The following KLHL29 variants were observed in gnomAD, a reference collection of about 807,000 sequenced individuals.
KLHL29 encodes kelch-like protein 29.
KLHL29 carries 21 observed loss-of-function variants against 80.4 expected under a neutral mutation model. The ratio of observed to expected loss-of-function variants is 0.26; its 90% CI spans 0.19 to 0.38. KLHL29 has a LOEUF of 0.38. Ranked by LOEUF, KLHL29 falls within the 10% of genes least tolerant of loss-of-function variation. The probability of loss-of-function intolerance (pLI) is 1.00; values close to 1 mark genes in which losing one functional copy is unlikely to be tolerated. For synonymous variants in KLHL29, 511 were observed against 526.8 expected (o/e 0.97, Z 0.41); for missense variants, 867 against 1,223.9 (o/e 0.71, Z 4.35).
At chr2:23,442,092 G>T (rs766830099) in intron 1 of KLHL29, among the ~76,000 whole-genome samples, 3 of 152,130 alleles carry the variant, frequency 2.0e-5, no homozygotes, top group East Asian at 1.9e-4. Flanking sequence ...AATCACCAGG[G>T]TCCTTTATTT....
In KLHL29 at chr2:23,690,307, G is replaced by C. The variant is rs563858769; in HGVS notation, c.1080-1367G>C. 2.0e-5 allele frequency: 3 copies of C among 152,332 alleles called. No homozygotes were observed. The South Asian group carries it at 6.2e-4, about 32-fold the overall frequency. 9.4% of individuals were successfully genotyped at this position (152,332 alleles called of 1,614,324 possible). ...TCTAGTTCCATCCTCTTATTTTGCA[G>C]AAGAGGAGGCTGAGGGCCCGGGAGA... On this transcript the variant is annotated intron_variant, in intron 6 of 13. Transcript: ENST00000486442.
At chr2:23,643,030 G>C (rs1204036536) in intron 5 of KLHL29, 180 bp downstream of exon 5, 2 of 779,092 alleles carry the variant, frequency 2.6e-6, no homozygotes, top group Admixed American at 2.0e-5. Context: ...GGGGGAGGGA[G>C]GGGGAAGGTG....
intron 2 of KLHL29, among the ~76,000 whole-genome samples, chr2:23,505,372 C>T (rs1338988696): frequency 6.6e-6 from 1 of 152,220 alleles, no homozygotes; most frequent in African/African-American, 2.4e-5. Context: ...CCGGCTGGGG[C>T]CCTGATGGAC....
chr2:23,420,518 G>A (rs1477364950), intron 1 of KLHL29, among the ~76,000 whole-genome samples: 3 of 152,150 alleles, frequency 2.0e-5, no homozygotes, highest in Non-Finnish European at 2.9e-5. Context: ...CTCACAAAGC[G>A]ACTGCTGCCC....
chr2:23,655,763 C>A (rs1457866528), intron 5 of KLHL29, among the ~76,000 whole-genome samples: 1 of 152,156 alleles, frequency 6.6e-6, no homozygotes, highest in African/African-American at 2.4e-5. Flanking sequence ...GCAGGGTGGT[C>A]CCCGGGCTCC....
Position 23,497,267 on chromosome 2 carries a change from G to T in KLHL29, c.-46+21600G>T, listed in dbSNP as rs926880644. ...GACTCCTTTTTTGTTTTCCTCCTTG[G>T]CAATCTCTCTGTGGTTTTGTGGCTG... On this transcript the variant is annotated intron_variant, in intron 2 of 13. Transcript: ENST00000486442. 4.6e-5 allele frequency among the ~76,000 whole-genome samples: 7 copies of T among 152,108 alleles called. No homozygotes were observed. The East Asian group carries it at 1.2e-3, about 25-fold the overall frequency.
At chr2:23,413,098 G>A (rs918986238) in intron 1 of KLHL29, among the ~76,000 whole-genome samples, 7 of 152,176 alleles carry the variant, frequency 4.6e-5, no homozygotes, top group African/African-American at 1.7e-4. Context: ...GTGAGGCCCA[G>A]GATGCATGTA....
chr2:23,406,885 A>T (rs187944628), intron 1 of KLHL29, among the ~76,000 whole-genome samples: 18 of 152,364 alleles, frequency 1.2e-4, no homozygotes, highest in Admixed American at 8.5e-4. Flanking sequence ...TCTTTATGGA[A>T]AATTTTAACA....
Position 23,684,467 on chromosome 2 carries a change from G to C in KLHL29, c.1009G>C (p.Gly337Arg). 6.4e-7 allele frequency: 1 copy of C among 1,551,022 alleles called. No homozygotes were observed. Among genetic ancestry groups the C allele is most frequent in the Non-Finnish European group, 8.7e-7 (1 of 1,146,748 alleles). The change falls in exon 6 of 14, where the codon GGC becomes CGC. Residue 337 changes from glycine to arginine, a missense_variant. Around this residue, in one of 2 missense-constraint regions of KLHL29, gnomAD observed 443 missense variants for 767.0 expected, o/e 0.58. Transcript: ENST00000486442. The surrounding 1 kb of genome is among the most constrained non-coding windows in gnomAD (Gnocchi z 4.4). ...AFTDLKIVVEGREFEVHQNVL... is the reference protein window; with the variant it reads ...AFTDLKIVVERREFEVHQNVL... ...TACAGACCTGAAAATTGTTGTTGAA[G>C]GCAGAGAGTTTGAAGTCCACCAAAA...
intron 3 of KLHL29, among the ~76,000 whole-genome samples, chr2:23,627,460 G>A (rs576467805): frequency 7.2e-5 from 11 of 152,202 alleles, no homozygotes; most frequent in Non-Finnish European, 1.5e-4. Flanking sequence ...GGTCATTTCT[G>A]CCCAGCTCTG....
intron 1 of KLHL29, among the ~76,000 whole-genome samples, chr2:23,423,970 GCTCTCTCTCCCTTCCTGC>G (rs573034093): frequency 1.2e-3 from 189 of 152,226 alleles, no homozygotes; most frequent in Admixed American, 2.2e-3. Context: ...TGGAGCATCC[GCTCTCTCTCCCTTCCTGC>G]CCAGCTGTCC....
chr2:23,695,259 C>T lies in KLHL29; in HGVS notation c.1543-364C>T, dbSNP rs534897009. ...CACACTCACAGCTCTTTAATAATCG[C>T]GTCTTCCTCATTTTAACCCCTCGCC... On this transcript the variant is annotated intron_variant, in intron 8 of 13. Coordinates refer to ENST00000486442, the MANE Select transcript of KLHL29 (RefSeq NM_052920.2). This position sits in a 1 kb window ranked among gnomAD's most constrained non-coding sequence, Gnocchi z 7.6. Among the ~76,000 whole-genome samples, 72 of 152,274 alleles carry T rather than the reference C, an allele frequency of 4.7e-4. No homozygotes were observed. The highest frequency in any genetic ancestry group is 1.3e-3 in the Admixed American group (20 of 15,304).
chr2:23,535,396 GGAGAA>G (rs1354652537), intron 2 of KLHL29, among the ~76,000 whole-genome samples: 3 of 152,234 alleles, frequency 2.0e-5, no homozygotes, highest in Non-Finnish European at 4.4e-5. Flanking sequence ...GCCTCTCACA[GGAGAA>G]GAGAAGATTA....
At chr2:23,436,447 A>C (rs1663346080) in intron 1 of KLHL29, among the ~76,000 whole-genome samples, 1 of 152,014 alleles carries the variant, frequency 6.6e-6, no homozygotes, top group Non-Finnish European at 1.5e-5. Flanking sequence ...GGTGATAGCC[A>C]CAGACACCGC....
intron 2 of KLHL29, among the ~76,000 whole-genome samples, chr2:23,555,573 C>T (rs771494038): frequency 2.0e-5 from 3 of 152,182 alleles, no homozygotes; most frequent in Non-Finnish European, 4.4e-5. Context: ...CATTCATTCC[C>T]GAGGAACGGG....
At position 23,670,917 on chromosome 2, in the gene KLHL29, GCTCTCT is replaced by G. The variant is rs1553353334; in HGVS notation, c.941-13424_941-13419del. 2.2e-3 allele frequency among the ~76,000 whole-genome samples: 40 copies of G among 18,568 alleles called. 8 individuals carry two copies. The highest frequency in any genetic ancestry group is 0.036 in the Middle Eastern group (1 of 28). The allele number at this position is 18,568 out of a possible 152,430, so 12.2% of individuals were successfully genotyped here. A position where few individuals can be genotyped will look rare whatever the true frequency, so the allele number is the denominator to read the frequency against. Reference sequence around the variant, plus strand: ...GAGGGGTCTCTACACACATGCACGCGCTCTCTCTCTCTCTCTCTCTCTCTCTCTCTC... The same window carrying G: ...GAGGGGTCTCTACACACATGCACGCGCTCTCTCTCTCTCTCTCTCTCTCTC... On this transcript the variant is annotated intron_variant, in intron 5 of 13. Transcript: ENST00000486442.
At chr2:23,563,030 C>A (rs1309654325) in intron 3 of KLHL29, among the ~76,000 whole-genome samples, 1 of 152,202 alleles carries the variant, frequency 6.6e-6, no homozygotes, top group Admixed American at 6.5e-5. Flanking sequence ...CACTGAGGCA[C>A]AGCAAGGGCT....
chr2:23,447,066 C>A (rs1663716745), intron 1 of KLHL29, among the ~76,000 whole-genome samples: 1 of 152,212 alleles, frequency 6.6e-6, no homozygotes, highest in Non-Finnish European at 1.5e-5. Flanking sequence ...GATTTTCAAG[C>A]TGATACAGGT....
chr2:23,536,737 C>T (rs1709318), intron 2 of KLHL29, among the ~76,000 whole-genome samples: 112,159 of 152,068 alleles, frequency 0.74, 42,019 homozygotes, highest in East Asian at 0.9. Context: ...ATTGGAAGGG[C>T]CCGAGCCTGT....
Sources: gnomAD v4.1 joint callset for allele counts (sites outside exome capture counted in the v4.1 genomes callset) on GRCh38, gnomAD v4.1.1 for gene constraint, gnomAD v4.1.1 regional missense constraint, Gnocchi (gnomAD v3.1) non-coding constraint, MANE v1.5 for transcripts, NCBI Gene and HGNC (gene_info 2026-07-23, HGNC 2026-07-21) for gene names.